PRMT3: variants seen among roughly 807,000 people sequenced by gnomAD.
PRMT3 encodes the protein protein arginine methyltransferase 3, also known as protein arginine N-methyltransferase 3.
Under a neutral mutation model 71.9 loss-of-function variants are expected in PRMT3, and 62 were observed. That is an observed-to-expected ratio of 0.86 (90% CI 0.70 to 1.07). PRMT3 has a LOEUF of 1.07. Ranked by LOEUF, PRMT3 falls within the 50% of genes least tolerant of loss-of-function variation. The pLI is 0.00. For synonymous variants in PRMT3, 213 were observed against 220.4 expected (o/e 0.97, Z 0.30); for missense variants, 663 against 643.0 (o/e 1.03, Z -0.34).
intron 13 of PRMT3, among the ~76,000 whole-genome samples, chr11:20,476,467 T>G (rs1850787991): frequency 6.6e-6 from 1 of 152,214 alleles, no homozygotes; most frequent in Admixed American, 6.5e-5. Context: ...GTTTTAGAGA[T>G]ACACCAAGCG....
intron 9 of PRMT3, among the ~76,000 whole-genome samples, chr11:20,417,088 C>G (rs1465434370): frequency 2.0e-5 from 3 of 152,170 alleles, no homozygotes; most frequent in Non-Finnish European, 4.4e-5. Context: ...CACTGTCATG[C>G]TCGCTGACGT....
At chr11:20,488,327 A>G (rs369273077) in intron 13 of PRMT3, among the ~76,000 whole-genome samples, 4 of 152,250 alleles carry the variant, frequency 2.6e-5, no homozygotes, top group Admixed American at 6.5e-5. Flanking sequence ...CTTGGTTTAT[A>G]TATGATGATC....
In PRMT3 at chr11:20,506,608, G is replaced by C. The variant is rs1161540400; in HGVS notation, c.1487-1696G>C. On this transcript the variant is annotated intron_variant, in intron 15 of 15. Coordinates refer to ENST00000331079, the MANE Select transcript of PRMT3 (RefSeq NM_005788.4). Reference sequence around the variant, plus strand: ...TGTTATTTCACTACCATCTTGAAAAGCATTCAGATAATTTTCCTTGAATAT... The same window carrying C: ...TGTTATTTCACTACCATCTTGAAAACCATTCAGATAATTTTCCTTGAATAT... 2.0e-5 allele frequency among the ~76,000 whole-genome samples: 3 copies of C among 152,212 alleles called. No individual in the cohort carries two copies. The East Asian group carries it at 5.8e-4, about 29-fold the overall frequency.
chr11:20,389,990 A>G (rs960655039), intron 3 of PRMT3, among the ~76,000 whole-genome samples, 164 bp downstream of exon 3: 1 of 152,118 alleles, frequency 6.6e-6, no homozygotes, highest in Non-Finnish European at 1.5e-5. Flanking sequence ...CACCTGTACT[A>G]AAATACAAAA....
intron 10 of PRMT3, among the ~76,000 whole-genome samples, chr11:20,431,745 G>A (rs1243594933): frequency 4.6e-5 from 7 of 151,916 alleles, no homozygotes; most frequent in African/African-American, 1.7e-4. Flanking sequence ...GGTATTCTTG[G>A]TATTTTTCTT....
chr11:20,419,411 A>C (rs1416659274), intron 9 of PRMT3, among the ~76,000 whole-genome samples: 8 of 152,190 alleles, frequency 5.3e-5, no homozygotes, highest in African/African-American at 1.9e-4. Flanking sequence ...AACTGTTGAT[A>C]GGTTTTATGT....
In PRMT3 at chr11:20,508,770, CAAAT is replaced by C; in HGVS notation, c.*358_*361del. On this transcript the variant is annotated 3_prime_UTR_variant, in exon 16 of 16. Coordinates refer to ENST00000331079, the MANE Select transcript of PRMT3 (RefSeq NM_005788.4). ...TAAGTTTCTTACTATAAATTTTAAACAAATTGGTTAGTTATTTGGATATTTTATT... is the reference window on the plus strand; with the variant it reads ...TAAGTTTCTTACTATAAATTTTAAACTGGTTAGTTATTTGGATATTTTATT... 2 of 307,938 alleles carry C rather than the reference CAAAT, an allele frequency of 6.5e-6. No individual in the cohort carries two copies. The highest frequency in any genetic ancestry group is 4.0e-5 in the Admixed American group (1 of 25,234). The allele number at this position is 307,938 out of a possible 1,614,324, so 19.1% of individuals were successfully genotyped here.
chr11:20,407,825 A>C (rs1026518874), intron 8 of PRMT3, 86 bp from the exon 9 acceptor site: 3 of 1,320,476 alleles, frequency 2.3e-6, no homozygotes, highest in Non-Finnish European at 3.1e-6. Context: ...TCCTAGCCAG[A>C]AACATCATAA....
At chr11:20,395,752 T>G (rs1848810675) in intron 5 of PRMT3, 51 bp from the exon 6 acceptor site, 3 of 1,533,686 alleles carry the variant, frequency 2.0e-6, no homozygotes, top group Non-Finnish European at 2.7e-6. Flanking sequence ...TATTTATACT[T>G]GTTTTATTGT....
intron 13 of PRMT3, among the ~76,000 whole-genome samples, chr11:20,473,350 T>G (rs577652761): frequency 1.3e-5 from 2 of 152,126 alleles, no homozygotes; most frequent in Non-Finnish European, 2.9e-5. Context: ...CTTTCTGTCT[T>G]TTTGATGTGT....
chr11:20,390,537 G>A (rs779594560), intron 3 of PRMT3, among the ~76,000 whole-genome samples: 1 of 152,164 alleles, frequency 6.6e-6, no homozygotes, highest in African/African-American at 2.4e-5. Context: ...TACAAAGTTC[G>A]GTAGAGACTG....
At chr11:20,421,037 TTTTG>T (rs925910776) in intron 9 of PRMT3, among the ~76,000 whole-genome samples, 8 of 152,192 alleles carry the variant, frequency 5.3e-5, no homozygotes, top group African/African-American at 1.7e-4. Flanking sequence ...TATTATTATT[TTTTG>T]TTTGTTTGTT....
At position 20,388,124 on chromosome 11, in the gene PRMT3, A is replaced by G; in HGVS notation, c.134A>G (p.Lys45Arg). The G allele has an allele frequency of 1.9e-6, 3 of 1,614,000 alleles. No individual in the cohort carries two copies. The highest frequency in any genetic ancestry group is 1.7e-4 in the Middle Eastern group (1 of 6,060). The change falls in exon 2 of 16, where the codon AAG becomes AGG. Residue 45 changes from lysine (K) to arginine (R), a missense_variant. Lys to Arg is a conservative substitution (Grantham distance 26, BLOSUM62 2). Coordinates refer to ENST00000331079, the MANE Select transcript of PRMT3 (RefSeq NM_005788.4). The part of the protein sequence containing the change: ...DEDDADLPHG[K>R]QQTPCLFCNR... ...GACGATGCAGATCTCCCCCACGGCA[A>G]GCAGCAGACCCCCTGCCTGTTCTGT...
At chr11:20,388,476 G>A (rs530022507) in intron 2 of PRMT3, among the ~76,000 whole-genome samples, 1 of 152,318 alleles carries the variant, frequency 6.6e-6, no homozygotes, top group East Asian at 1.9e-4. Flanking sequence ...CAGGGATGGG[G>A]TCTAAGAATA....
chr11:20,437,859 G>A (rs1181376019), intron 10 of PRMT3, among the ~76,000 whole-genome samples: 1 of 152,182 alleles, frequency 6.6e-6, no homozygotes, highest in East Asian at 1.9e-4. Flanking sequence ...AAAGTGCTGG[G>A]ATTACAGGCG....
intron 11 of PRMT3, among the ~76,000 whole-genome samples, chr11:20,457,601 CCAGT>C (rs1850296054): frequency 1.3e-5 from 2 of 152,212 alleles, no homozygotes; most frequent in East Asian, 3.9e-4. Context: ...ATGTTAATTC[CCAGT>C]CAGAGTTACA....
At chr11:20,465,571 T>C (rs1201249632) in intron 13 of PRMT3, among the ~76,000 whole-genome samples, 1 of 152,050 alleles carries the variant, frequency 6.6e-6, no homozygotes, top group Non-Finnish European at 1.5e-5. Flanking sequence ...TTTGATTCAG[T>C]GATTATTTTA....
intron 13 of PRMT3, among the ~76,000 whole-genome samples, chr11:20,467,843 C>A (rs1408593657): frequency 6.6e-6 from 1 of 152,166 alleles, no homozygotes; most frequent in Non-Finnish European, 1.5e-5. Context: ...CCTAATGCTT[C>A]TATTAGGTGT....
chr11:20,431,300 T>A (rs1392730813), intron 10 of PRMT3, among the ~76,000 whole-genome samples: 1 of 152,162 alleles, frequency 6.6e-6, no homozygotes, highest in Non-Finnish European at 1.5e-5. Flanking sequence ...TTCTTGGGCA[T>A]GTTACCTCTC....
Sources: gnomAD v4.1 joint callset for allele counts (sites outside exome capture counted in the v4.1 genomes callset) on GRCh38, gnomAD v4.1.1 for gene constraint, MANE v1.5 for transcripts, NCBI Gene and HGNC (gene_info 2026-07-23, HGNC 2026-07-21) for gene names.